Variants in UPP2 observed in about 807,000 individuals in gnomAD.
UPP2 encodes the protein UPase 2.
Under a neutral mutation model 26.7 loss-of-function variants are expected in UPP2, and 23 were observed. The observed-to-expected ratio is 0.86, with a 90% CI of 0.62 to 1.22. The LOEUF (loss-of-function observed/expected upper bound fraction) is 1.22, where lower values mean the gene tolerates loss of function less well. Ranked by LOEUF, UPP2 falls within the 50% of genes most tolerant of loss-of-function variation. The pLI is 0.00. For synonymous variants in UPP2, 127 were observed against 141.3 expected (o/e 0.90, Z 0.72); for missense variants, 387 against 396.7 (o/e 0.98, Z 0.21).
At chr2:158,021,610 C>T (rs1202770645) in intron 3 of UPP2, among the ~76,000 whole-genome samples, 1 of 152,186 alleles carries the variant, frequency 6.6e-6, no homozygotes, top group East Asian at 1.9e-4. Context: ...ATTATCTCAC[C>T]TGTCACTATG....
chr2:158,020,588 T>C (rs1489815684), intron 3 of UPP2, among the ~76,000 whole-genome samples: 2 of 152,206 alleles, frequency 1.3e-5, no homozygotes, highest in African/African-American at 2.4e-5. Context: ...GAAGGACAGA[T>C]GCAACATGGA....
At chr2:158,001,849 C>T (rs1408816560) in intron 2 of UPP2, among the ~76,000 whole-genome samples, 1 of 150,376 alleles carries the variant, frequency 6.6e-6, no homozygotes, top group East Asian at 2.0e-4. Flanking sequence ...ACATTTGCAA[C>T]CTGGTAACAG....
At chr2:158,129,507 C>T (rs1046780046) in intron 6 of UPP2, among the ~76,000 whole-genome samples, 12 of 152,086 alleles carry the variant, frequency 7.9e-5, no homozygotes, top group African/African-American at 2.7e-4. Context: ...TGTAATTGAC[C>T]TGCCTGAGGA....
intron 3 of UPP2, among the ~76,000 whole-genome samples, chr2:158,116,664 C>G (rs1683437655): frequency 6.6e-6 from 1 of 152,196 alleles, no homozygotes; most frequent in South Asian, 2.1e-4. Flanking sequence ...AAGTGGCAAT[C>G]ATTAACTTAC....
chr2:158,042,172 A>G (rs1684090564), intron 3 of UPP2, among the ~76,000 whole-genome samples: 1 of 152,206 alleles, frequency 6.6e-6, no homozygotes, highest in Admixed American at 6.5e-5. Context: ...ACTTGCAGGA[A>G]GAGACTTAAA....
chr2:158,119,346 C>T lies in UPP2; in HGVS notation c.454+1408C>T, dbSNP rs976312625. ...AGGCCCATGGATGGTGGCAAATTAA[C>T]CCACTGTACTGGTGTGGACACCTTC... On this transcript the variant is annotated intron_variant, in intron 4 of 6. Transcript: ENST00000005756. Among the ~76,000 whole-genome samples the T allele has an allele frequency of 6.6e-5, 10 of 152,160 alleles. No homozygotes were observed. In the South Asian group the frequency reaches 1.5e-3, roughly 22 times the overall value.
At chr2:158,091,434 G>GA (rs1409829283) in intron 3 of UPP2, among the ~76,000 whole-genome samples, 1 of 152,088 alleles carries the variant, frequency 6.6e-6, no homozygotes, top group African/African-American at 2.4e-5. Context: ...GAAATATGTA[G>GA]AAAAAATAGG....
In UPP2 at chr2:158,096,373, C is replaced by T. The variant is rs539512222; in HGVS notation, c.148-5667C>T. Among the ~76,000 whole-genome samples, 513 of 152,204 alleles carry T rather than the reference C, an allele frequency of 3.4e-3. 2 individuals are homozygous for T. The highest frequency in any genetic ancestry group is 0.012 in the African/African-American group (485 of 41,540). On this transcript the variant is annotated intron_variant, in intron 3 of 9. Coordinates refer to the UPP2 transcript ENST00000605860. ...CAGCACTTTGGGAGGCCAAGGCAGG[C>T]GGATTACCTGAGGTCAGGAGTTCGA...
intron 4 of UPP2, among the ~76,000 whole-genome samples, chr2:158,119,483 C>T (rs937227152): frequency 5.9e-5 from 9 of 151,978 alleles, no homozygotes; most frequent in South Asian, 2.1e-4. Context: ...ACAGTATTGT[C>T]GCTCACATGA....
At chr2:157,998,434 T>C (rs1423927012) in intron 2 of UPP2, among the ~76,000 whole-genome samples, 2 of 152,232 alleles carry the variant, frequency 1.3e-5, no homozygotes, top group Admixed American at 1.3e-4. Flanking sequence ...CTGTGGGGGA[T>C]GTTGCCCACT....
At chr2:158,052,746 A>G (rs916071811) in intron 3 of UPP2, among the ~76,000 whole-genome samples, 7 of 152,136 alleles carry the variant, frequency 4.6e-5, no homozygotes, top group African/African-American at 1.7e-4. Context: ...CATCTTCATC[A>G]TCATTATCTA....
intron 3 of UPP2, among the ~76,000 whole-genome samples, chr2:158,056,830 C>G (rs1452898099): frequency 6.6e-6 from 1 of 152,190 alleles, no homozygotes; most frequent in Non-Finnish European, 1.5e-5. Context: ...GTACTGGGAG[C>G]TAGAATGTCA....
At chr2:158,042,146 T>C (rs1192998398) in intron 3 of UPP2, among the ~76,000 whole-genome samples, 1 of 152,144 alleles carries the variant, frequency 6.6e-6, no homozygotes, top group Non-Finnish European at 1.5e-5. Flanking sequence ...GCGCCAGGCA[T>C]AGAAAAAAGT....
At chr2:158,123,971 A>G in intron 6 of UPP2, 76 bp downstream of exon 6, 1 of 1,522,654 alleles carries the variant, frequency 6.6e-7, no homozygotes, top group Non-Finnish European at 8.9e-7. Flanking sequence ...GAGAAGAAAA[A>G]GAGGTCCAGC....
chr2:158,119,751 T>G (rs531794879), intron 4 of UPP2, among the ~76,000 whole-genome samples: 1 of 151,994 alleles, frequency 6.6e-6, no homozygotes, highest in African/African-American at 2.4e-5. Context: ...TGGCTCACAT[T>G]TATAATCCCA....
chr2:158,056,452 G>A (rs1484366743), intron 3 of UPP2, among the ~76,000 whole-genome samples: 1 of 152,164 alleles, frequency 6.6e-6, no homozygotes, highest in Non-Finnish European at 1.5e-5. Context: ...TATGACCGCT[G>A]TAAAAATTTT....
At chr2:158,078,288 C>G (rs1044573786) in intron 3 of UPP2, among the ~76,000 whole-genome samples, 2 of 152,088 alleles carry the variant, frequency 1.3e-5, no homozygotes, top group African/African-American at 4.8e-5. Context: ...TGGGTATATT[C>G]TCAAAAGAAA....
At chr2:158,115,832 A>C (rs1232548538) in intron 3 of UPP2, among the ~76,000 whole-genome samples, 1 of 152,222 alleles carries the variant, frequency 6.6e-6, no homozygotes, top group Non-Finnish European at 1.5e-5. Context: ...TCAGCTGGGC[A>C]CACACTGATG....
intron 1 of UPP2, among the ~76,000 whole-genome samples, chr2:158,105,373 G>C (rs1683170587): frequency 6.6e-6 from 1 of 152,106 alleles, no homozygotes; most frequent in Non-Finnish European, 1.5e-5. Flanking sequence ...ATGGCCAGTG[G>C]GGTAGAAAGA....
Sources: gnomAD v4.1 joint callset for allele counts (sites outside exome capture counted in the v4.1 genomes callset) on GRCh38, gnomAD v4.1.1 for gene constraint, MANE v1.5 for transcripts, NCBI Gene and HGNC (gene_info 2026-07-23, HGNC 2026-07-21) for gene names.